RTN1: variants seen among roughly 807,000 people sequenced by gnomAD.
RTN1 encodes the protein reticulon 1, also known as reticulon-1.
Under a neutral mutation model 65.5 loss-of-function variants are expected in RTN1, and 25 were observed. That is an observed-to-expected ratio of 0.38 (90% confidence interval 0.28 to 0.53). The LOEUF (loss-of-function observed/expected upper bound fraction) is 0.53. RTN1 is among the 20% of genes least tolerant of loss of function. RTN1 has a pLI of 0.79. For synonymous variants in RTN1, 471 were observed against 447.6 expected (o/e 1.05, Z -0.66); for missense variants, 983 against 1,025.4 (o/e 0.96, Z 0.57).
chr14:59,856,607 T>C (rs1426056458), intron 1 of RTN1, among the ~76,000 whole-genome samples: 2 of 152,196 alleles, frequency 1.3e-5, no homozygotes, highest in Admixed American at 6.5e-5. Flanking sequence ...TCACCACTCC[T>C]ACTGCCCTCC....
chr14:59,829,705 G>A lies in RTN1; in HGVS notation c.241+40685C>T, dbSNP rs971690360. ...CTCACACAGGGAGCAGGCAGAGGGA[G>A]GCCCCACTCCTGTGCTTCCACAAAG... On this transcript the variant is annotated intron_variant, in intron 1 of 8. Transcript: ENST00000267484. This position sits in a 1 kb window ranked among gnomAD's most constrained non-coding sequence, Gnocchi z 4.3. Among the ~76,000 whole-genome samples, 20 of 152,232 alleles carry A rather than the reference G, an allele frequency of 1.3e-4. No homozygotes were observed. The highest frequency in any genetic ancestry group is 4.8e-4 in the African/African-American group (20 of 41,448).
intron 1 of RTN1, among the ~76,000 whole-genome samples, chr14:59,842,899 G>A (rs2139653993): frequency 6.6e-6 from 1 of 152,228 alleles, no homozygotes; most frequent in African/African-American, 2.4e-5. Context: ...ATGCAAAATG[G>A]TATAGGCACT....
At chr14:59,748,713 T>C (rs1445236233) in intron 1 of RTN1, among the ~76,000 whole-genome samples, 4 of 152,134 alleles carry the variant, frequency 2.6e-5, no homozygotes, top group African/African-American at 9.7e-5. Flanking sequence ...ACTATTTTGC[T>C]CACCAATATA....
Position 59,809,213 on chromosome 14 carries a change from T to C in RTN1, c.241+61177A>G, listed in dbSNP as rs545126871. Among the ~76,000 whole-genome samples the C allele has an allele frequency of 4.6e-5, 7 of 152,234 alleles. No homozygotes were observed. The East Asian group carries it at 7.7e-4, about 17-fold the overall frequency. On this transcript the variant is annotated intron_variant, in intron 1 of 8. Coordinates refer to ENST00000267484, the MANE Select transcript of RTN1 (RefSeq NM_021136.3). ...AAATGAACTGATAACAACTCTAGCT[T>C]TGAACCTCTGGAACCAATGAAGTCT...
intron 3 of RTN1, among the ~76,000 whole-genome samples, chr14:59,665,553 CA>C (rs1432892561): frequency 3.9e-5 from 6 of 152,120 alleles, no homozygotes; most frequent in African/African-American, 1.4e-4. Context: ...AAATAATCAG[CA>C]AACATCGTAG....
intron 3 of RTN1, among the ~76,000 whole-genome samples, chr14:59,674,611 A>T (rs1049858158): frequency 1.3e-5 from 2 of 152,238 alleles, no homozygotes; most frequent in Non-Finnish European, 2.9e-5. Context: ...AACAAACGGC[A>T]TTCAAAGAAA....
chr14:59,762,386 C>T (rs1032793829), intron 1 of RTN1, among the ~76,000 whole-genome samples: 1 of 152,136 alleles, frequency 6.6e-6, no homozygotes, highest in Admixed American at 6.5e-5. Context: ...TAGATGATCT[C>T]ATTTCATGCT....
At chr14:59,809,013 A>T (rs79228295) in intron 1 of RTN1, among the ~76,000 whole-genome samples, 1,839 of 152,238 alleles carry the variant, frequency 0.012, 33 homozygotes, top group African/African-American at 0.041. Context: ...TATTTCTTTA[A>T]AGCAATTTGA....
intron 1 of RTN1, among the ~76,000 whole-genome samples, chr14:59,776,891 A>G (rs1886061837): frequency 1.3e-5 from 2 of 152,210 alleles, no homozygotes. Flanking sequence ...ATTGGCTCAG[A>G]ACTCAGAGGG....
chr14:59,657,366 G>A (rs1197024820), intron 3 of RTN1, among the ~76,000 whole-genome samples: 5 of 152,204 alleles, frequency 3.3e-5, no homozygotes, highest in Admixed American at 6.5e-5. Context: ...CCGAGACTGC[G>A]CTACTGCACT....
chr14:59,699,790 A>G (rs938397900), intron 3 of RTN1, among the ~76,000 whole-genome samples: 1 of 152,182 alleles, frequency 6.6e-6, no homozygotes, highest in African/African-American at 2.4e-5. Flanking sequence ...CCTAGGTCTC[A>G]CTTACTCCAA....
chr14:59,833,410 CATG>C (rs1887160514), intron 1 of RTN1, among the ~76,000 whole-genome samples: 1 of 152,022 alleles, frequency 6.6e-6, no homozygotes, highest in Non-Finnish European at 1.5e-5. Context: ...TTGACTGTCT[CATG>C]GTGATTGACA....
intron 2 of RTN1, among the ~76,000 whole-genome samples, chr14:59,728,249 C>CTTTTTTTTTTTTTTTTTTTTTTTT (rs200434592): frequency 1.6e-5 from 2 of 124,162 alleles, no homozygotes; most frequent in Non-Finnish European, 1.7e-5. Flanking sequence ...GAATCAGTAT[C>CTTTTTTTTTTTTTTTTTTTTTTTT]TTTTTTTTTT....
chr14:59,791,994 A>G (rs1230641402), intron 1 of RTN1, among the ~76,000 whole-genome samples: 1 of 151,066 alleles, frequency 6.6e-6, no homozygotes, highest in Non-Finnish European at 1.5e-5. Context: ...GTCTACTCAC[A>G]CTCTCCTGCC....
intron 1 of RTN1, among the ~76,000 whole-genome samples, chr14:59,814,226 C>T (rs1250631115): frequency 1.3e-5 from 2 of 152,090 alleles, no homozygotes; most frequent in East Asian, 1.9e-4. Context: ...AGAAAAATAC[C>T]CCAGGTCTAG....
chr14:59,818,825 C>G (rs890175405), intron 1 of RTN1, among the ~76,000 whole-genome samples: 2 of 152,232 alleles, frequency 1.3e-5, no homozygotes, highest in Non-Finnish European at 2.9e-5. Context: ...TCAGCGACAT[C>G]TGCTATTTTT....
In RTN1 at chr14:59,846,550, G is replaced by C. The variant is rs1454852645; in HGVS notation, c.241+23840C>G. Among the ~76,000 whole-genome samples the C allele has an allele frequency of 6.6e-6, 1 of 152,132 alleles. No individual in the cohort carries two copies. The highest frequency in any genetic ancestry group is 1.5e-5 in the Non-Finnish European group (1 of 68,030). On this transcript the variant is annotated intron_variant, in intron 1 of 8. Transcript: ENST00000267484. The surrounding 1 kb of genome is among the most constrained non-coding windows in gnomAD (Gnocchi z 4.8). The stretch of plus-strand genomic sequence containing the variant: ...GTGTTTCTCAGTGGTTACCAAGTAA[G>C]CATAATGGAAAAAGAAGAGTAAGTG...
chr14:59,742,843 T>C (rs1318912663), intron 2 of RTN1, among the ~76,000 whole-genome samples: 1 of 152,152 alleles, frequency 6.6e-6, no homozygotes, highest in African/African-American at 2.4e-5. Flanking sequence ...CTACTGTCTA[T>C]GGGCACAGTG....
intron 2 of RTN1, among the ~76,000 whole-genome samples, chr14:59,732,916 G>A (rs1884929255): frequency 6.6e-6 from 1 of 152,168 alleles, no homozygotes; most frequent in Non-Finnish European, 1.5e-5. Flanking sequence ...GCCTGCCTGA[G>A]ACTGCATTGG....
Sources: allele counts gnomAD v4.1 joint callset (sites outside exome capture counted in the v4.1 genomes callset), GRCh38; gene constraint gnomAD v4.1.1; non-coding constraint Gnocchi (gnomAD v3.1); transcripts MANE v1.5; gene names NCBI Gene and HGNC (gene_info 2026-07-23, HGNC 2026-07-21).